Variants in PPP1R14C observed in about 807,000 individuals in gnomAD.
PPP1R14C encodes protein phosphatase 1 regulatory subunit 14C.
A neutral mutation model predicts 20.4 loss-of-function variants in PPP1R14C; 16 were observed. That is an observed-to-expected ratio of 0.78 (90% CI 0.53 to 1.19). The LOEUF (loss-of-function observed/expected upper bound fraction) is 1.19, where lower values mean the gene tolerates loss of function less well. Among genes scored for constraint, PPP1R14C ranks in the 50% most tolerant of loss-of-function variants. The probability of loss-of-function intolerance (pLI) is 0.00; values close to 1 mark genes in which losing one functional copy is unlikely to be tolerated. For synonymous variants in PPP1R14C, 91 were observed against 91.0 expected (o/e 1.00, Z 0.00); for missense variants, 211 against 220.1 (o/e 0.96, Z 0.26).
chr6:150,154,637 G>T (rs1470678614), intron 1 of PPP1R14C, among the ~76,000 whole-genome samples: 1 of 152,212 alleles, frequency 6.6e-6, no homozygotes, highest in African/African-American at 2.4e-5. Flanking sequence ...GCAAACCTGA[G>T]ACAAGGATTA....
intron 3 of PPP1R14C, among the ~76,000 whole-genome samples, chr6:150,224,838 A>G (rs1461934905): frequency 6.6e-6 from 1 of 152,088 alleles, no homozygotes; most frequent in Admixed American, 6.6e-5. Context: ...TCTGAATATG[A>G]TGAATTAGGT....
At chr6:150,222,171 G>A (rs1235976913) in intron 3 of PPP1R14C, among the ~76,000 whole-genome samples, 1 of 152,206 alleles carries the variant, frequency 6.6e-6, no homozygotes, top group African/African-American at 2.4e-5. Context: ...CTTAGCAGAT[G>A]CCGGGTGCTG....
At chr6:150,159,790 A>G (rs2114858171) in intron 1 of PPP1R14C, among the ~76,000 whole-genome samples, 1 of 152,264 alleles carries the variant, frequency 6.6e-6, no homozygotes, top group Non-Finnish European at 1.5e-5. Flanking sequence ...TTGATACATT[A>G]TTATTCTCTA....
chr6:150,217,498 C>A (rs1469820346), intron 3 of PPP1R14C, among the ~76,000 whole-genome samples: 1 of 151,702 alleles, frequency 6.6e-6, no homozygotes, highest in Non-Finnish European at 1.5e-5. Context: ...CCCGGCCTAT[C>A]GGTATGTATT....
At chr6:150,245,056 G>A (rs1778475554) in intron 3 of PPP1R14C, among the ~76,000 whole-genome samples, 1 of 152,050 alleles carries the variant, frequency 6.6e-6, no homozygotes, top group Admixed American at 6.6e-5. Flanking sequence ...CTCAGCAAAT[G>A]GCACTATCTT....
At chr6:150,147,341 G>A (rs1056669147) in intron 1 of PPP1R14C, among the ~76,000 whole-genome samples, 6 of 151,754 alleles carry the variant, frequency 4.0e-5, no homozygotes, top group Non-Finnish European at 7.4e-5. Flanking sequence ...CACCATGCCC[G>A]GCTAATTTTT....
intron 3 of PPP1R14C, among the ~76,000 whole-genome samples, chr6:150,219,186 G>A (rs71570211): frequency 0.035 from 5,340 of 151,762 alleles, 134 homozygotes; most frequent in Middle Eastern, 0.058. Context: ...TTTTTGTATA[G>A]CCCTTTGTTT....
intron 1 of PPP1R14C, among the ~76,000 whole-genome samples, chr6:150,158,352 G>T (rs1777327699): frequency 6.6e-6 from 1 of 151,956 alleles, no homozygotes; most frequent in East Asian, 1.9e-4. Context: ...TACCTTGATT[G>T]CAAATTTGGT....
intron 1 of PPP1R14C, among the ~76,000 whole-genome samples, chr6:150,204,889 T>C (rs1360672780): frequency 1.3e-5 from 2 of 152,146 alleles, no homozygotes; most frequent in Non-Finnish European, 2.9e-5. Context: ...TGCTGTGCTC[T>C]GTTCACCAGA....
intron 3 of PPP1R14C, among the ~76,000 whole-genome samples, chr6:150,245,428 A>G (rs1012531104): frequency 1.6e-4 from 24 of 152,194 alleles, no homozygotes; most frequent in African/African-American, 5.3e-4. Context: ...TACTGTGCCT[A>G]TGAGGCCCTG....
Position 150,143,351 on chromosome 6 carries a change from G to T in PPP1R14C, c.159G>T (p.Ala53=). Reference sequence around the variant, plus strand: ...AGGACTCGGCGCCCGTGGCCACGGCGGCCGCTGCAGGGCAGGTTCAGCAGC... The same window carrying T: ...AGGACTCGGCGCCCGTGGCCACGGCTGCCGCTGCAGGGCAGGTTCAGCAGC... ...SREDSAPVAT[A]AAAGQVQQQQ... is the part of the protein sequence containing the mutation. Residue 53 remains alanine, a synonymous_variant, in exon 1 of 4, where the codon GCG becomes GCT. Coordinates refer to ENST00000361131, the MANE Select transcript of PPP1R14C (RefSeq NM_030949.3). This position sits in a 1 kb window ranked among gnomAD's most constrained non-coding sequence, Gnocchi z 5.6. The T allele has an allele frequency of 6.2e-7, 1 of 1,603,780 alleles. No homozygotes were observed. Among genetic ancestry groups the T allele is most frequent in the East Asian group, 2.3e-5 (1 of 43,892 alleles).
intron 1 of PPP1R14C, among the ~76,000 whole-genome samples, chr6:150,200,203 CAT>C (rs528091104): frequency 5.0e-4 from 72 of 144,700 alleles, no homozygotes; most frequent in East Asian, 6.2e-4. Flanking sequence ...CATACACACA[CAT>C]GTACACAACA....
At chr6:150,223,028 C>A (rs1778189095) in intron 3 of PPP1R14C, among the ~76,000 whole-genome samples, 1 of 152,092 alleles carries the variant, frequency 6.6e-6, no homozygotes, top group Non-Finnish European at 1.5e-5. Context: ...CTCAGACTCC[C>A]AAAGTGCTGG....
rs147691798 is a variant in PPP1R14C at position 150,249,831 on chromosome 6, G to A, written c.*1011G>A. ...TCAGACCAGTGGGAGTAAACCGAGTGTTAAGTGTCAAGGTGAGAAAGCCTC... is the reference window on the plus strand; with the variant it reads ...TCAGACCAGTGGGAGTAAACCGAGTATTAAGTGTCAAGGTGAGAAAGCCTC... On this transcript the variant is annotated 3_prime_UTR_variant, in exon 4 of 4. Coordinates refer to ENST00000361131, the MANE Select transcript of PPP1R14C (RefSeq NM_030949.3). 6.4e-6 allele frequency: 2 copies of A among 311,206 alleles called. No individual in the cohort carries two copies. The highest frequency in any genetic ancestry group is 1.0e-4 in the East Asian group (2 of 19,842). The allele number at this position is 311,206 out of a possible 1,614,324, so 19.3% of individuals were successfully genotyped here.
At chr6:150,163,495 C>G (rs1219032778) in intron 1 of PPP1R14C, among the ~76,000 whole-genome samples, 1 of 152,174 alleles carries the variant, frequency 6.6e-6, no homozygotes, top group East Asian at 1.9e-4. Context: ...AAATTGAACC[C>G]ACCCACCTTC....
chr6:150,160,010 C>T (rs988397202), intron 1 of PPP1R14C, among the ~76,000 whole-genome samples: 3 of 152,082 alleles, frequency 2.0e-5, no homozygotes, highest in African/African-American at 7.2e-5. Flanking sequence ...CCTCACATGG[C>T]ATTTGTCGGA....
intron 3 of PPP1R14C, among the ~76,000 whole-genome samples, chr6:150,220,456 G>A (rs898760104): frequency 6.6e-5 from 10 of 152,252 alleles, no homozygotes; most frequent in African/African-American, 1.2e-4. Flanking sequence ...ATAGGAAAGC[G>A]ATTTTAAATT....
At chr6:150,210,982 CTT>C (rs1778017862) in intron 1 of PPP1R14C, among the ~76,000 whole-genome samples, 1 of 152,232 alleles carries the variant, frequency 6.6e-6, no homozygotes, top group Non-Finnish European at 1.5e-5. Context: ...CATCTTGTCT[CTT>C]TGCCTCCTGC....
At chr6:150,234,456 A>C (rs1778330151) in intron 3 of PPP1R14C, among the ~76,000 whole-genome samples, 1 of 152,222 alleles carries the variant, frequency 6.6e-6, no homozygotes, top group South Asian at 2.1e-4. Flanking sequence ...ATTCGTAACA[A>C]CTTTATTTGC....
Sources: gnomAD v4.1 joint callset for allele counts (sites outside exome capture counted in the v4.1 genomes callset) on GRCh38, gnomAD v4.1.1 for gene constraint, Gnocchi (gnomAD v3.1) non-coding constraint, MANE v1.5 for transcripts, NCBI Gene and HGNC (gene_info 2026-07-23, HGNC 2026-07-21) for gene names.